Variants in RAPGEF2 observed in about 807,000 individuals in gnomAD.
RAPGEF2 encodes the protein PDZ domain containing guanine nucleotide exchange factor (GEF) 1.
In RAPGEF2, 54 loss-of-function variants were observed where a neutral mutation model predicts 186.7. The observed-to-expected ratio is 0.29, with a 90% CI of 0.23 to 0.36. RAPGEF2 has a LOEUF of 0.36. Ranked by LOEUF, RAPGEF2 falls within the 10% of genes least tolerant of loss-of-function variation. RAPGEF2 has a pLI of 1.00. For missense variants in RAPGEF2, 1,532 were observed against 2,045.0 expected (o/e 0.75, Z 4.84); for synonymous variants, 712 against 705.9 (o/e 1.01, Z -0.14).
intron 3 of RAPGEF2, among the ~76,000 whole-genome samples, chr4:159,208,222 TTAAG>T (rs1750166536): frequency 1.3e-5 from 2 of 152,236 alleles, no homozygotes; most frequent in Non-Finnish European, 2.9e-5. Context: ...ATTGACATTA[TTAAG>T]TAATGTAATT....
chr4:159,173,381 A>C (rs920938237), intron 1 of RAPGEF2, among the ~76,000 whole-genome samples: 2 of 152,186 alleles, frequency 1.3e-5, no homozygotes, highest in Non-Finnish European at 2.9e-5. Context: ...GAATGTTCAA[A>C]ATGAGTGCTG....
At chr4:159,222,363 G>T (rs1408301772) in intron 4 of RAPGEF2, among the ~76,000 whole-genome samples, 1 of 152,146 alleles carries the variant, frequency 6.6e-6, no homozygotes, top group African/African-American at 2.4e-5. Flanking sequence ...TATAGTTGAT[G>T]GAGTTCCACA....
intron 8 of RAPGEF2, among the ~76,000 whole-genome samples, chr4:159,306,956 A>C (rs919974140): frequency 3.3e-5 from 5 of 152,212 alleles, no homozygotes; most frequent in Non-Finnish European, 7.4e-5. Context: ...TGTTTTTAAA[A>C]TAAAATAATT....
intron 7 of RAPGEF2, among the ~76,000 whole-genome samples, chr4:159,248,714 C>T (rs995724502): frequency 6.6e-6 from 1 of 152,160 alleles, no homozygotes; most frequent in African/African-American, 2.4e-5. Flanking sequence ...TGGGAAATTG[C>T]ACTATAGCAT....
At chr4:159,108,590 T>A (rs1288824794) in intron 1 of RAPGEF2, among the ~76,000 whole-genome samples, 2 of 152,180 alleles carry the variant, frequency 1.3e-5, no homozygotes, top group African/African-American at 4.8e-5. Flanking sequence ...ATTCACTGCA[T>A]TTTTTCATTT....
At chr4:159,196,413 A>G (rs957206694) in intron 3 of RAPGEF2, among the ~76,000 whole-genome samples, 1 of 152,200 alleles carries the variant, frequency 6.6e-6, no homozygotes, top group Non-Finnish European at 1.5e-5. Context: ...CAGAAATATC[A>G]AAGGCTTTCA....
At chr4:159,122,916 A>G (rs1414122336) in intron 1 of RAPGEF2, among the ~76,000 whole-genome samples, 1 of 152,238 alleles carries the variant, frequency 6.6e-6, no homozygotes, top group Non-Finnish European at 1.5e-5. Flanking sequence ...AAGATCTGCA[A>G]CTGCAGTTAC....
At chr4:159,130,372 A>G (rs370077559) in intron 1 of RAPGEF2, among the ~76,000 whole-genome samples, 11 of 152,212 alleles carry the variant, frequency 7.2e-5, no homozygotes, top group Admixed American at 1.3e-4. Context: ...CTCTGGTTCA[A>G]ATGCCTCTGA....
At chr4:159,248,057 C>T (rs773370253) in intron 7 of RAPGEF2, among the ~76,000 whole-genome samples, 16 of 151,938 alleles carry the variant, frequency 1.1e-4, no homozygotes, top group Admixed American at 2.0e-4. Context: ...CCACTGCGCC[C>T]GGCCGAAATA....
chr4:159,175,839 A>G (rs1746399313), intron 1 of RAPGEF2, among the ~76,000 whole-genome samples: 1 of 152,178 alleles, frequency 6.6e-6, no homozygotes, highest in African/African-American at 2.4e-5. Flanking sequence ...AGTGCTTAAG[A>G]TCATGCATAC....
chr4:159,330,634 A>C (rs1766559007), intron 13 of RAPGEF2, 136 bp downstream of exon 13: 1 of 610,898 alleles, frequency 1.6e-6, no homozygotes. Flanking sequence ...AGCAAAAAAA[A>C]ACAAAAAAAC....
chr4:159,277,672 G>A (rs1759097321), intron 7 of RAPGEF2, among the ~76,000 whole-genome samples: 1 of 152,154 alleles, frequency 6.6e-6, no homozygotes, highest in South Asian at 2.1e-4. Flanking sequence ...TTCTCTGATG[G>A]CCAGTGATGG....
chr4:159,260,105 C>T (rs1355273372), intron 7 of RAPGEF2, among the ~76,000 whole-genome samples: 2 of 151,986 alleles, frequency 1.3e-5, no homozygotes, highest in East Asian at 1.9e-4. Context: ...TCAAGTGATT[C>T]ACCTCACAAG....
chr4:159,251,980 C>G (rs1013927112), intron 7 of RAPGEF2, among the ~76,000 whole-genome samples: 1 of 152,102 alleles, frequency 6.6e-6, no homozygotes, highest in East Asian at 1.9e-4. Flanking sequence ...CTCCTGAAGT[C>G]AGAGACCACG....
At chr4:159,338,178 A>C in intron 17 of RAPGEF2, 133 bp from the exon 18 acceptor site, 1 of 725,464 alleles carries the variant, frequency 1.4e-6, no homozygotes, top group Non-Finnish European at 2.1e-6. Context: ...TTTTCAACCA[A>C]ATTTATTAAT....
intron 8 of RAPGEF2, among the ~76,000 whole-genome samples, chr4:159,309,814 T>C (rs1159204381): frequency 6.6e-6 from 1 of 152,108 alleles, no homozygotes; most frequent in Non-Finnish European, 1.5e-5. Context: ...CAAGCAAAAT[T>C]GAACTCATGT....
intron 1 of RAPGEF2, among the ~76,000 whole-genome samples, chr4:159,173,892 C>G (rs1452565423): frequency 6.6e-6 from 1 of 152,116 alleles, no homozygotes; most frequent in African/African-American, 2.4e-5. Flanking sequence ...ATATTGCAGT[C>G]TGAGAGTCTA....
At chr4:159,124,906 G>A (rs1180249579) in intron 1 of RAPGEF2, among the ~76,000 whole-genome samples, 2 of 152,160 alleles carry the variant, frequency 1.3e-5, no homozygotes, top group East Asian at 3.8e-4. Context: ...ATCTGTTAAT[G>A]TTCATCCAGA....
chr4:159,155,156 C>G (rs182163239), intron 1 of RAPGEF2, among the ~76,000 whole-genome samples: 34 of 152,228 alleles, frequency 2.2e-4, no homozygotes, highest in East Asian at 1.3e-3. Context: ...CTGTGATTCT[C>G]AAATTAGGGA....
Sources: gnomAD v4.1 joint callset for allele counts (sites outside exome capture counted in the v4.1 genomes callset) on GRCh38, gnomAD v4.1.1 for gene constraint, MANE v1.5 for transcripts, NCBI Gene and HGNC (gene_info 2026-07-23, HGNC 2026-07-21) for gene names.